Variants in RANBP2 observed in about 807,000 individuals in gnomAD.
The protein encoded by RANBP2 is E3 SUMO-protein ligase RanBP2.
A neutral mutation model predicts 303.6 loss-of-function variants in RANBP2; 57 were observed. The ratio of observed to expected loss-of-function variants is 0.19; its 90% CI spans 0.15 to 0.23. RANBP2 has a LOEUF of 0.23. Among genes scored for constraint, RANBP2 ranks in the 10% least tolerant of loss-of-function variants. The pLI is 1.00. For missense variants in RANBP2, 3,138 were observed against 3,780.8 expected, an observed-to-expected ratio of 0.83 and a Z score of 4.46; for synonymous variants, 1,167 against 1,301.5, an observed-to-expected ratio of 0.90 and a Z score of 2.23.
the RANBP2 span, chr2:109,545,234 T>G: frequency 2.0e-6 from 2 of 985,418 alleles, no homozygotes; most frequent in Non-Finnish European, 2.4e-6. Context: ...GAACAAGGCA[T>G]GATGAATTTC....
At chr2:108,791,674 GC>G in the RANBP2 span, 1 of 1,603,662 alleles carries the variant, frequency 6.2e-7, no homozygotes, top group Non-Finnish European at 8.5e-7. Flanking sequence ...TTTTTTTAAA[GC>G]CTAGATGATG....
the RANBP2 span, chr2:109,127,787 TGCAGTGA>T: frequency 1.3e-5 from 2 of 152,236 alleles, no homozygotes; most frequent in African/African-American, 4.8e-5. Flanking sequence ...AGTTTGAGGC[TGCAGTGA>T]GCCGTGATAG....
chr2:109,690,701 A>G, the RANBP2 span, among the ~76,000 whole-genome samples: 4 of 151,852 alleles, frequency 2.6e-5, no homozygotes, highest in Non-Finnish European at 5.9e-5. Context: ...CCGGCCTTCC[A>G]GACGTTCACC....
the RANBP2 span, among the ~76,000 whole-genome samples, chr2:108,965,519 T>C: frequency 1.3e-5 from 2 of 152,126 alleles, no homozygotes. Flanking sequence ...ACAGGTCTTT[T>C]GGGGAGAGAA....
chr2:108,904,461 G>A, the RANBP2 span, among the ~76,000 whole-genome samples: 1 of 152,186 alleles, frequency 6.6e-6, no homozygotes. Flanking sequence ...GTACTCCTGG[G>A]TCTTTATCCC....
At chr2:109,019,346 T>G in the RANBP2 span, among the ~76,000 whole-genome samples, 1 of 152,174 alleles carries the variant, frequency 6.6e-6, no homozygotes, top group Admixed American at 6.5e-5. Context: ...ACTCACCAAG[T>G]TTTGAATGAA....
chr2:108,885,498 A>C, the RANBP2 span: 1 of 152,252 alleles, frequency 6.6e-6, no homozygotes, highest in Non-Finnish European at 1.5e-5. Flanking sequence ...TGTAAAAATT[A>C]ATTCCTTTCT....
the RANBP2 span, chr2:108,882,842 G>C: frequency 4.6e-5 from 7 of 152,342 alleles, no homozygotes; most frequent in African/African-American, 1.7e-4. Context: ...ACTGTGTGCA[G>C]ATCTGGGACT....
At chr2:109,077,739 C>A in the RANBP2 span, among the ~76,000 whole-genome samples, 6 of 149,650 alleles carry the variant, frequency 4.0e-5, no homozygotes, top group Non-Finnish European at 6.0e-5. Context: ...CAGGGAAATG[C>A]AAATCAAAAC....
the RANBP2 span, among the ~76,000 whole-genome samples, chr2:109,765,545 G>A: frequency 1.5e-4 from 23 of 150,462 alleles, 2 homozygotes; most frequent in Non-Finnish European, 2.7e-4. Flanking sequence ...CGCTTGAGGG[G>A]GCATGGGCAC....
the RANBP2 span, among the ~76,000 whole-genome samples, chr2:108,973,397 A>G: frequency 6.6e-6 from 1 of 152,206 alleles, no homozygotes; most frequent in African/African-American, 2.4e-5. Flanking sequence ...AGTGTCCGCC[A>G]TCAGCCCCTG....
chr2:109,279,102 G>A, the RANBP2 span, among the ~76,000 whole-genome samples: 6 of 152,202 alleles, frequency 3.9e-5, no homozygotes, highest in Admixed American at 3.3e-4. Context: ...TAATTTTATG[G>A]CAAATCCACG....
At chr2:109,370,778 C>T in the RANBP2 span, among the ~76,000 whole-genome samples, 1 of 152,232 alleles carries the variant, frequency 6.6e-6, no homozygotes, top group Non-Finnish European at 1.5e-5. Flanking sequence ...CTGCCTGCCT[C>T]TTCCTTTCTC....
the RANBP2 span, among the ~76,000 whole-genome samples, chr2:108,999,094 G>C: frequency 2.0e-5 from 3 of 152,322 alleles, no homozygotes; most frequent in Admixed American, 2.0e-4. Flanking sequence ...TCTTATTATT[G>C]TAAGTATGTG....
At chr2:108,972,261 G>C in the RANBP2 span, among the ~76,000 whole-genome samples, 1 of 152,268 alleles carries the variant, frequency 6.6e-6, no homozygotes, top group Admixed American at 6.5e-5. Flanking sequence ...ACCCCTGTAA[G>C]AGACCAACTT....
At chr2:109,209,005 G>T in the RANBP2 span, among the ~76,000 whole-genome samples, 835 of 152,314 alleles carry the variant, frequency 5.5e-3, 6 homozygotes, top group Non-Finnish European at 9.4e-3. Flanking sequence ...ACATCAACAC[G>T]GACATATGGA....
the RANBP2 span, among the ~76,000 whole-genome samples, chr2:109,168,530 T>A: frequency 6.6e-6 from 1 of 152,212 alleles, no homozygotes; most frequent in Non-Finnish European, 1.5e-5. Flanking sequence ...TTCTGCAACA[T>A]CTTCTTACAC....
the RANBP2 span, chr2:109,615,602 G>A: frequency 6.2e-7 from 1 of 1,613,720 alleles, no homozygotes; most frequent in Non-Finnish European, 8.5e-7. Context: ...TGGACATCAG[G>A]GACTACAGTG....
At chr2:109,055,908 C>T in the RANBP2 span, among the ~76,000 whole-genome samples, 1 of 150,404 alleles carries the variant, frequency 6.6e-6, no homozygotes, top group Non-Finnish European at 1.5e-5. Flanking sequence ...TACAGGTACC[C>T]CCCAGCACGC....
Sources: allele counts gnomAD v4.1 joint callset (sites outside exome capture counted in the v4.1 genomes callset), GRCh38; gene constraint gnomAD v4.1.1; transcripts MANE v1.5; gene names NCBI Gene and HGNC (gene_info 2026-07-23, HGNC 2026-07-21).